The following ANKS1B variants were observed in gnomAD, a reference collection of about 807,000 sequenced individuals.
ANKS1B encodes the protein ankyrin repeat and sterile alpha motif domain containing 1B.
Under a neutral mutation model 148.3 loss-of-function variants are expected in ANKS1B, and 36 were observed. That is an observed-to-expected ratio of 0.24 (90% CI 0.19 to 0.32). The LOEUF is 0.32. Ranked by LOEUF, ANKS1B falls within the 10% of genes least tolerant of loss-of-function variation. The pLI, the probability that ANKS1B is intolerant of heterozygous loss-of-function variation, is 1.00. For missense variants in ANKS1B, 1,157 were observed against 1,542.6 expected (o/e 0.75, Z 4.19); for synonymous variants, 542 against 560.8 (o/e 0.97, Z 0.47).
intron 19 of ANKS1B, among the ~76,000 whole-genome samples, chr12:98,828,706 G>T (rs2099270593): frequency 6.6e-6 from 1 of 152,152 alleles, no homozygotes; most frequent in African/African-American, 2.4e-5. Context: ...ACTAGTCAAG[G>T]TGACAATATG....
intron 17 of ANKS1B, among the ~76,000 whole-genome samples, chr12:98,912,430 CT>C (rs2099788081): frequency 6.6e-6 from 1 of 152,154 alleles, no homozygotes; most frequent in Non-Finnish European, 1.5e-5. Flanking sequence ...AAAGCATCAA[CT>C]TTTTCCCCCT....
chr12:99,157,360 C>A (rs2076174008), intron 14 of ANKS1B, among the ~76,000 whole-genome samples: 1 of 152,284 alleles, frequency 6.6e-6, no homozygotes, highest in Middle Eastern at 3.4e-3. Context: ...GCAAACACGA[C>A]AATGACACTT....
intron 17 of ANKS1B, among the ~76,000 whole-genome samples, chr12:98,939,791 C>A (rs2099833466): frequency 6.6e-6 from 1 of 152,206 alleles, no homozygotes; most frequent in Admixed American, 6.5e-5. Flanking sequence ...GATTCCCAGG[C>A]AAAGTGGACA....
At chr12:99,779,743 C>A in intron 6 of ANKS1B, 128 bp downstream of exon 6, 1 of 662,386 alleles carries the variant, frequency 1.5e-6, no homozygotes, top group Non-Finnish European at 2.6e-6. Context: ...AAAAGTCTAC[C>A]AGAAAAAAAT....
At chr12:98,754,029 A>G (rs572648041) in intron 25 of ANKS1B, among the ~76,000 whole-genome samples, 3 of 152,352 alleles carry the variant, frequency 2.0e-5, no homozygotes, top group African/African-American at 7.2e-5. Context: ...TGCCAGATCA[A>G]TTGTGATGGT....
At chr12:99,435,009 C>A (rs1045019100) in intron 11 of ANKS1B, among the ~76,000 whole-genome samples, 1 of 151,872 alleles carries the variant, frequency 6.6e-6, no homozygotes, top group Admixed American at 6.6e-5. Context: ...TAGAAAGTGC[C>A]AAATAACAAA....
At chr12:98,832,426 C>G (rs1309121965) in intron 17 of ANKS1B, among the ~76,000 whole-genome samples, 3 of 152,150 alleles carry the variant, frequency 2.0e-5, no homozygotes, top group Non-Finnish European at 4.4e-5. Context: ...ACCAGCTCTT[C>G]TTATAAGCAG....
Position 99,622,767 on chromosome 12 carries a change from C to A in ANKS1B, c.1272+32300G>T, listed in dbSNP as rs535216838. On this transcript the variant is annotated intron_variant, in intron 9 of 26. Transcript: ENST00000683438. The stretch of plus-strand genomic sequence containing the variant: ...GAATCAGTAAGAAAAAACTTACCCA[C>A]CAAAAAAGCCCTGGACCAGGTGGAT... Among the ~76,000 whole-genome samples the A allele has an allele frequency of 5.9e-5, 9 of 152,042 alleles. No homozygotes were observed. In the East Asian group the frequency reaches 1.7e-3, roughly 29 times the overall value.
intron 26 of ANKS1B, among the ~76,000 whole-genome samples, chr12:98,746,957 G>A (rs2097909018): frequency 6.6e-6 from 1 of 152,184 alleles, no homozygotes; most frequent in Non-Finnish European, 1.5e-5. Flanking sequence ...CTGAGACGAT[G>A]AAAGAACTGG....
At chr12:98,758,712 T>C (rs1339107543) in intron 25 of ANKS1B, among the ~76,000 whole-genome samples, 1 of 152,050 alleles carries the variant, frequency 6.6e-6, no homozygotes, top group African/African-American at 2.4e-5. Flanking sequence ...GGAATTCCCC[T>C]CTTCCCTTCC....
intron 15 of ANKS1B, among the ~76,000 whole-genome samples, chr12:99,108,879 C>T (rs2059743020): frequency 6.6e-6 from 1 of 152,040 alleles, no homozygotes; most frequent in African/African-American, 2.4e-5. Context: ...AAGATGAGAA[C>T]TCGAGAGACA....
intron 1 of ANKS1B, among the ~76,000 whole-genome samples, chr12:99,917,717 T>C (rs1025136012): frequency 2.0e-5 from 3 of 152,178 alleles, no homozygotes; most frequent in African/African-American, 7.2e-5. Flanking sequence ...TAGCACTCCA[T>C]CAAGCTGATG....
chr12:99,470,027 G>A (rs1006100226), intron 10 of ANKS1B, among the ~76,000 whole-genome samples: 2 of 151,846 alleles, frequency 1.3e-5, no homozygotes, highest in Non-Finnish European at 2.9e-5. Flanking sequence ...ACTGAGGCAG[G>A]AGAATCACTT....
chr12:99,610,958 G>A (rs12423331), intron 9 of ANKS1B, among the ~76,000 whole-genome samples: 1 of 151,950 alleles, frequency 6.6e-6, no homozygotes, highest in Admixed American at 6.6e-5. Context: ...AGTCCCCAAA[G>A]GTTCTTCCAA....
chr12:99,316,411 C>T (rs1364660401), intron 12 of ANKS1B, among the ~76,000 whole-genome samples: 2 of 152,194 alleles, frequency 1.3e-5, no homozygotes, highest in Non-Finnish European at 2.9e-5. Context: ...TTGCATTTCT[C>T]TGATACCCAG....
chr12:99,923,628 G>C (rs772034840), intron 1 of ANKS1B, among the ~76,000 whole-genome samples: 2 of 152,174 alleles, frequency 1.3e-5, no homozygotes, highest in Non-Finnish European at 2.9e-5. Flanking sequence ...GAGGGTCTTC[G>C]ATGAGAAAAT....
intron 1 of ANKS1B, among the ~76,000 whole-genome samples, chr12:99,894,236 T>C (rs942846665): frequency 4.0e-4 from 50 of 124,896 alleles, no homozygotes; most frequent in African/African-American, 1.5e-3. Flanking sequence ...TTGGGCAACA[T>C]AGGGAGACCC....
chr12:99,721,837 A>G (rs1035376544), intron 8 of ANKS1B, among the ~76,000 whole-genome samples: 3 of 152,262 alleles, frequency 2.0e-5, no homozygotes, highest in African/African-American at 7.2e-5. Context: ...ATACATTTCA[A>G]GTTGTGAATG....
chr12:99,451,795 G>GTGTGTGTGTGTGTGTGTA (rs1406614557), intron 10 of ANKS1B, among the ~76,000 whole-genome samples: 3 of 152,102 alleles, frequency 2.0e-5, no homozygotes, highest in African/African-American at 7.2e-5. Flanking sequence ...ACGTGTGTGT[G>GTGTGTGTGTGTGTGTGTA]TGTGTGTATG....
Sources: allele counts gnomAD v4.1 joint callset (sites outside exome capture counted in the v4.1 genomes callset), GRCh38; gene constraint gnomAD v4.1.1; transcripts MANE v1.5; gene names NCBI Gene and HGNC (gene_info 2026-07-23, HGNC 2026-07-21).